Variants in GRM7 observed in about 807,000 individuals in gnomAD.
The protein encoded by GRM7 is metabotropic glutamate receptor 7.
In GRM7, 35 loss-of-function variants were observed where a neutral mutation model predicts 84.5. The observed-to-expected ratio is 0.41, with a 90% CI of 0.32 to 0.55. GRM7 has a LOEUF of 0.55. Among genes scored for constraint, GRM7 ranks in the 20% least tolerant of loss-of-function variants. The probability of loss-of-function intolerance (pLI) is 0.19; values close to 1 mark genes in which losing one functional copy is unlikely to be tolerated. For missense variants in GRM7, 1,003 were observed against 1,194.6 expected (o/e 0.84, Z 2.36); for synonymous variants, 487 against 455.1 (o/e 1.07, Z -0.89).
intron 8 of GRM7, among the ~76,000 whole-genome samples, chr3:7,587,826 G>A (rs1041237191): frequency 6.6e-6 from 1 of 152,184 alleles, no homozygotes; most frequent in Non-Finnish European, 1.5e-5. Context: ...AGAAGAATGA[G>A]AAGAATCCCT....
intron 1 of GRM7, among the ~76,000 whole-genome samples, chr3:7,125,235 G>T (rs977659888): frequency 9.9e-5 from 15 of 152,150 alleles, no homozygotes; most frequent in African/African-American, 3.1e-4. Flanking sequence ...CACCATGCCC[G>T]GCCTAATAGT....
intron 2 of GRM7, among the ~76,000 whole-genome samples, chr3:7,169,273 C>A (rs1694906179): frequency 6.6e-6 from 1 of 152,078 alleles, no homozygotes; most frequent in African/African-American, 2.4e-5. Context: ...TCATTCTATA[C>A]CACAGTGTAT....
chr3:7,689,318 C>T (rs1435372173), intron 9 of GRM7, among the ~76,000 whole-genome samples: 1 of 152,166 alleles, frequency 6.6e-6, no homozygotes, highest in Non-Finnish European at 1.5e-5. Flanking sequence ...CTGTGCAGTG[C>T]AAGTTTTCGT....
At chr3:7,058,344 T>C (rs1364470745) in intron 1 of GRM7, among the ~76,000 whole-genome samples, 3 of 152,048 alleles carry the variant, frequency 2.0e-5, no homozygotes, top group South Asian at 4.1e-4. Context: ...AACACAAATA[T>C]TGTTCTAAAG....
rs555351310 is a variant in GRM7 at position 7,273,575 on chromosome 3, A to G, written c.737-25109A>G. ...ACACATTATGTATTGTTATGTCTTTATGGAGAGCTGATTCCTGTATCATGA... is the reference window on the plus strand; with the variant it reads ...ACACATTATGTATTGTTATGTCTTTGTGGAGAGCTGATTCCTGTATCATGA... On this transcript the variant is annotated intron_variant, in intron 2 of 9. Transcript: ENST00000357716. 5.3e-5 allele frequency among the ~76,000 whole-genome samples: 8 copies of G among 152,116 alleles called. 1 individual carries two copies. In the South Asian group the frequency reaches 1.2e-3, roughly 24 times the overall value.
chr3:7,154,997 G>A (rs1466798145), intron 2 of GRM7, among the ~76,000 whole-genome samples: 1 of 152,078 alleles, frequency 6.6e-6, no homozygotes, highest in Non-Finnish European at 1.5e-5. Flanking sequence ...ATTGATTAGT[G>A]TATAGAACTG....
chr3:7,499,301 A>C lies in GRM7; in HGVS notation c.1515+37579A>C, dbSNP rs76664033. Among the ~76,000 whole-genome samples, 22 of 152,272 alleles carry C rather than the reference A, an allele frequency of 1.4e-4. No individual in the cohort carries two copies. In the East Asian group the frequency reaches 3.9e-3, roughly 27 times the overall value. ...TAACCTAGCCTTGGGAGATACATGG[A>C]GTTTCCACAATGTTCTGTTCCTCTG... On this transcript the variant is annotated intron_variant, in intron 7 of 9. Transcript: ENST00000357716.
chr3:6,887,278 G>A lies in GRM7; in HGVS notation c.519+25371G>A, dbSNP rs984592050. On this transcript the variant is annotated intron_variant, in intron 1 of 9. Coordinates refer to ENST00000357716, the MANE Select transcript of GRM7 (RefSeq NM_000844.4). The stretch of plus-strand genomic sequence containing the variant: ...AAGTTTTAGGGTACATGTGCACAAT[G>A]TGCAGGTTAGTCACATATGTATACA... Among the ~76,000 whole-genome samples, 5 of 151,632 alleles carry A rather than the reference G, an allele frequency of 3.3e-5. No homozygotes were observed. In the South Asian group the frequency reaches 8.3e-4, roughly 25 times the overall value.
In GRM7 at chr3:6,921,331, C is replaced by T. The variant is rs75524579; in HGVS notation, c.519+59424C>T. On this transcript the variant is annotated intron_variant, in intron 1 of 9. Transcript: ENST00000357716. ...ATTTCCATGAGAGCCTTCTGCTGAA[C>T]AGGAGGCAGCAGTGCCCGGGAGATA... Among the ~76,000 whole-genome samples, 564 of 152,262 alleles carry T rather than the reference C, an allele frequency of 3.7e-3. 7 individuals carry two copies. The highest frequency in any genetic ancestry group is 0.013 in the African/African-American group (532 of 41,556).
intron 1 of GRM7, among the ~76,000 whole-genome samples, chr3:6,947,242 A>G (rs1379251131): frequency 6.6e-6 from 1 of 152,098 alleles, no homozygotes; most frequent in South Asian, 2.1e-4. Context: ...TACCTAATTT[A>G]TTGAGAGTTT....
At chr3:7,421,398 A>G (rs919412424) in intron 5 of GRM7, among the ~76,000 whole-genome samples, 17 of 152,178 alleles carry the variant, frequency 1.1e-4, no homozygotes, top group Non-Finnish European at 2.1e-4. Context: ...TGCTAGTGCA[A>G]AAAAATGAAC....
chr3:7,438,015 G>A (rs6773267), intron 5 of GRM7, among the ~76,000 whole-genome samples: 49,905 of 151,840 alleles, frequency 0.33, 9,505 homozygotes, highest in Non-Finnish European at 0.44. Context: ...GAAGGAATAC[G>A]GCTCTAAGAT....
At chr3:7,407,581 A>G (rs1246417869) in intron 4 of GRM7, among the ~76,000 whole-genome samples, 1 of 152,292 alleles carries the variant, frequency 6.6e-6, no homozygotes, top group Non-Finnish European at 1.5e-5. Flanking sequence ...AATCATCTGT[A>G]AGGTATCCTA....
intron 8 of GRM7, among the ~76,000 whole-genome samples, chr3:7,661,821 T>A (rs60771637): frequency 0.028 from 1,291 of 46,360 alleles, 5 homozygotes; most frequent in East Asian, 0.15. Context: ...AAAAAAAAAA[T>A]GTAAAATGCT....
intron 8 of GRM7, among the ~76,000 whole-genome samples, chr3:7,623,570 G>A (rs1697463795): frequency 6.6e-6 from 1 of 152,110 alleles, no homozygotes; most frequent in African/African-American, 2.4e-5. Context: ...TTGACACTGA[G>A]ACCAGTGAGT....
chr3:7,664,053 T>C (rs1475657059), intron 8 of GRM7, among the ~76,000 whole-genome samples: 1 of 152,228 alleles, frequency 6.6e-6, no homozygotes, highest in Non-Finnish European at 1.5e-5. Flanking sequence ...AGAAACAGAA[T>C]GGATAGTTCA....
At chr3:6,998,717 C>T (rs1028774200) in intron 1 of GRM7, among the ~76,000 whole-genome samples, 2 of 152,190 alleles carry the variant, frequency 1.3e-5, no homozygotes, top group African/African-American at 4.8e-5. Context: ...GGCTCAACGC[C>T]ACATGAAAGC....
rs554644371 is a variant in GRM7 at position 7,048,873 on chromosome 3, G to A, written c.520-97579G>A. On this transcript the variant is annotated intron_variant, in intron 1 of 9. Coordinates refer to ENST00000357716, the MANE Select transcript of GRM7 (RefSeq NM_000844.4). Reference sequence around the variant, plus strand: ...TTTTGACGAACACTTCCTCACCCCCGGTAACCACCATTCTGTTCTCTTCTT... The same window carrying A: ...TTTTGACGAACACTTCCTCACCCCCAGTAACCACCATTCTGTTCTCTTCTT... Among the ~76,000 whole-genome samples the A allele has an allele frequency of 1.2e-4, 18 of 151,672 alleles. No homozygotes were observed. The East Asian group carries it at 1.8e-3, about 15-fold the overall frequency.
At chr3:7,691,091 T>C in intron 9 of GRM7, 1 of 451,636 alleles carries the variant, frequency 2.2e-6, no homozygotes, top group South Asian at 1.6e-5. Context: ...AAATTAACTT[T>C]CTCTAGGAAT....
Sources: gnomAD v4.1 joint callset for allele counts (sites outside exome capture counted in the v4.1 genomes callset) on GRCh38, gnomAD v4.1.1 for gene constraint, MANE v1.5 for transcripts, NCBI Gene and HGNC (gene_info 2026-07-23, HGNC 2026-07-21) for gene names.